Variants in MEX3A observed in about 807,000 individuals in gnomAD.
MEX3A encodes the protein mex-3 RNA binding family member A.
Under a neutral mutation model 30.0 loss-of-function variants are expected in MEX3A, and 4 were observed. The ratio of observed to expected loss-of-function variants is 0.13; its 90% CI spans 0.07 to 0.30. MEX3A has a LOEUF of 0.30. Among genes scored for constraint, MEX3A ranks in the 10% least tolerant of loss-of-function variants. The pLI is 1.00. For synonymous variants in MEX3A, 335 were observed against 327.6 expected, an observed-to-expected ratio of 1.02 and a Z score of -0.24; for missense variants, 555 against 736.7, an observed-to-expected ratio of 0.75 and a Z score of 2.86.
rs1648102887 is a variant in MEX3A at position 156,077,208 on chromosome 1, T to A, written c.929A>T (p.Asp310Val). 4 of 1,613,612 alleles carry A rather than the reference T, an allele frequency of 2.5e-6. No individual in the cohort carries two copies. The highest frequency in any genetic ancestry group is 3.4e-6 in the Non-Finnish European group (4 of 1,179,836). ...NENDFLAGSP[D>V]AAIDSRYSDA... ...GGAGTAGCGGCTATCGATTGCTGCG[T>A]CGGGGCTCCCCGCCAGGAAGTCGTT... is the stretch of plus-strand genomic sequence containing the variant. The change falls in exon 2 of 2, where the codon GAC becomes GTC. Residue 310 changes from aspartate to valine, a missense_variant. Physicochemically the swap from Asp to Val is radical, Grantham distance 152. Around this residue, in one of 6 missense-constraint regions of MEX3A, gnomAD observed 281 missense variants for 265.1 expected, o/e 1.06. Coordinates refer to ENST00000532414, the MANE Select transcript of MEX3A (RefSeq NM_001093725.2). The surrounding 1 kb of genome is among the most constrained non-coding windows in gnomAD (Gnocchi z 8.3).
rs114684670 is a variant in MEX3A, at chr1:156,078,425, T to C, written c.455-743A>G. 3.5e-3 allele frequency among the ~76,000 whole-genome samples: 534 copies of C among 152,236 alleles called. 1 individual carries two copies. Among genetic ancestry groups the C allele is most frequent in the African/African-American group, 0.012 (496 of 41,550 alleles). ...TGTGAGGGAACAGTGCCCAACCCCG[T>C]GTCACTCTTGTCCCCCTGTCCCCTG... On this transcript the variant is annotated intron_variant, in intron 1 of 1. Coordinates refer to ENST00000532414, the MANE Select transcript of MEX3A (RefSeq NM_001093725.2).
In MEX3A at chr1:156,075,011, C is replaced by G. The variant is rs946061631; in HGVS notation, c.*1563G>C. The G allele has an allele frequency of 5.9e-5, 9 of 152,672 alleles. No individual in the cohort carries two copies. Among genetic ancestry groups the G allele is most frequent in the African/African-American group, 2.2e-4 (9 of 41,426 alleles). 9.5% of individuals were successfully genotyped at this position (152,672 alleles called of 1,614,324 possible). A position where few individuals can be genotyped will look rare whatever the true frequency, so the allele number is the denominator to read the frequency against. The stretch of plus-strand genomic sequence containing the variant: ...CCTGGGACTCCCATCCCTCCATCCT[C>G]TCTTGGCCCGGCCAGCGGAACCAGG... On this transcript the variant is annotated 3_prime_UTR_variant, in exon 2 of 2. Transcript: ENST00000532414.
In MEX3A at chr1:156,076,712, GCT is replaced by G; in HGVS notation, c.1423_1424del (p.Ser475ArgfsTer76). On this transcript the variant is annotated frameshift_variant, in exon 2 of 2. Coordinates refer to ENST00000532414, the MANE Select transcript of MEX3A (RefSeq NM_001093725.2). LOFTEE classifies it high-confidence loss of function. The surrounding 1 kb of genome is among the most constrained non-coding windows in gnomAD (Gnocchi z 6.0). ...AGGGCACAAGGGCGGCAGTCACTTC[GCT>G]CTCAAAGCAGACCATGCAATCCCGC... is the stretch of plus-strand genomic sequence containing the variant. ...GGRDCMVCFE[S>X]EVTAALVPCG... The G allele has an allele frequency of 6.2e-7, 1 of 1,613,366 alleles. No individual in the cohort carries two copies. Among genetic ancestry groups the G allele is most frequent in the Non-Finnish European group, 8.5e-7 (1 of 1,179,640 alleles).
At position 156,074,365 on chromosome 1, in the gene MEX3A, C is replaced by T. The variant is rs1490594065; in HGVS notation, c.*2209G>A. On this transcript the variant is annotated 3_prime_UTR_variant, in exon 2 of 2. Coordinates refer to ENST00000532414, the MANE Select transcript of MEX3A (RefSeq NM_001093725.2). ...TTTGCTACATTTATATGGTAATAAA[C>T]GCCTTTATTAAAATAGAATATTAAA... is the stretch of plus-strand genomic sequence containing the variant. The T allele has an allele frequency of 6.7e-5, 10 of 149,852 alleles. No individual in the cohort carries two copies. The highest frequency in any genetic ancestry group is 2.1e-4 in the South Asian group (1 of 4,732). 9.3% of individuals were successfully genotyped at this position (149,852 alleles called of 1,614,324 possible). A position where few individuals can be genotyped will look rare whatever the true frequency, so the allele number is the denominator to read the frequency against.
chr1:156,074,137 A>G lies in MEX3A; in HGVS notation c.*2437T>C, dbSNP rs1289887386. Reference sequence around the variant, plus strand: ...GGGGAAAAAAGCAACGTAAACCCAAACATATATTAAAAACACTTTTTTTTT... The same window carrying G: ...GGGGAAAAAAGCAACGTAAACCCAAGCATATATTAAAAACACTTTTTTTTT... On this transcript the variant is annotated 3_prime_UTR_variant, in exon 2 of 2. Coordinates refer to ENST00000532414, the MANE Select transcript of MEX3A (RefSeq NM_001093725.2). The G allele has an allele frequency of 6.6e-6, 1 of 152,254 alleles. No homozygotes were observed. Among genetic ancestry groups the G allele is most frequent in the Non-Finnish European group, 1.5e-5 (1 of 68,008 alleles). The allele number at this position is 152,254 out of a possible 1,614,324, so 9.4% of individuals were successfully genotyped here. A position where few individuals can be genotyped will look rare whatever the true frequency, so the allele number is the denominator to read the frequency against.
chr1:156,077,130 T>C lies in MEX3A; in HGVS notation c.1007A>G (p.Gln336Arg), dbSNP rs1218554446. 6.2e-7 allele frequency: 1 copy of C among 1,613,794 alleles called. No homozygotes were observed. Among genetic ancestry groups the C allele is most frequent in the Admixed American group, 1.7e-5 (1 of 60,032 alleles). ...PGCKPLSTFR[Q>R]NSLGCIGECG... ...CTCGCCGATGCAGCCCAGGCTGTTC[T>C]GCCGGAAGGTGGAGAGGGGCTTGCA... Residue 336 changes from glutamine to arginine, a missense_variant, in exon 2 of 2, where the codon CAG (glutamine) becomes CGG (arginine). Physicochemically the swap from Gln to Arg is conservative, Grantham distance 43. Around this residue, in one of 6 missense-constraint regions of MEX3A, gnomAD observed 281 missense variants for 265.1 expected, o/e 1.06. Coordinates refer to ENST00000532414, the MANE Select transcript of MEX3A (RefSeq NM_001093725.2). This position sits in a 1 kb window ranked among gnomAD's most constrained non-coding sequence, Gnocchi z 8.3.
rs1180183659 is a variant in MEX3A at position 156,077,039 on chromosome 1, G to A, written c.1098C>T (p.Gly366=). The A allele has an allele frequency of 8.1e-6, 13 of 1,613,710 alleles. No homozygotes were observed. Among genetic ancestry groups the A allele is most frequent in the East Asian group, 6.7e-5 (3 of 44,880 alleles). ...LGEQGGDFGY[G]GYLFPGYGVG... is the part of the protein sequence containing the mutation. ...CGCCATAGCCCGGAAAGAGGTACCC[G>A]CCGTAGCCAAAGTCCCCGCCCTGCT... The change falls in exon 2 of 2, where the codon GGC becomes GGT. Residue 366 remains glycine (G), a synonymous_variant. Transcript: ENST00000532414. The surrounding 1 kb of genome is among the most constrained non-coding windows in gnomAD (Gnocchi z 8.3).
chr1:156,076,746 C>T lies in MEX3A; in HGVS notation c.1391G>A (p.Gly464Asp). The part of the protein sequence containing the change: ...KLGGGGLRSP[G>D]GGRDCMVCFE... ...GCAGACCATGCAATCCCGCCCGCCGCCGGGGCTCCGCAGGCCGCCCCCACC... is the reference window on the plus strand; with the variant it reads ...GCAGACCATGCAATCCCGCCCGCCGTCGGGGCTCCGCAGGCCGCCCCCACC... The change falls in exon 2 of 2, where the codon GGC becomes GAC. Residue 464 changes from glycine (G) to aspartate (D), a missense_variant. Transcript: ENST00000532414. The surrounding 1 kb of genome is among the most constrained non-coding windows in gnomAD (Gnocchi z 6.0). 1 of 1,606,124 alleles carries T rather than the reference C, an allele frequency of 6.2e-7. No homozygotes were observed. The highest frequency in any genetic ancestry group is 1.1e-5 in the South Asian group (1 of 90,216).
chr1:156,081,508 C>A, intron 1 of MEX3A, 37 bp downstream of exon 1: 1 of 1,570,190 alleles, frequency 6.4e-7, no homozygotes, highest in Non-Finnish European at 8.7e-7. Context: ...GGTGCCCCCA[C>A]TACAGTCCCT....
Position 156,073,973 on chromosome 1 carries a change from G to A in MEX3A, c.*2601C>T, listed in dbSNP as rs1647986935. On this transcript the variant is annotated 3_prime_UTR_variant, in exon 2 of 2. Transcript: ENST00000532414. Reference sequence around the variant, plus strand: ...CCTGAGGGGGAGGGGGAGAGGGGAGGAGGAGTCCATGGAGTGAAATCCAAT... The same window carrying A: ...CCTGAGGGGGAGGGGGAGAGGGGAGAAGGAGTCCATGGAGTGAAATCCAAT... 1 of 152,548 alleles carries A rather than the reference G, an allele frequency of 6.6e-6. No homozygotes were observed. The highest frequency in any genetic ancestry group is 2.1e-4 in the South Asian group (1 of 4,816). 9.4% of individuals were successfully genotyped at this position (152,548 alleles called of 1,614,324 possible). A position where few individuals can be genotyped will look rare whatever the true frequency, so the allele number is the denominator to read the frequency against.
chr1:156,081,744 G>GGGC lies in MEX3A; in HGVS notation c.252_254dup (p.Pro85dup), dbSNP rs1435178806. On this transcript the variant is annotated inframe_insertion, in exon 1 of 2. Coordinates refer to ENST00000532414, the MANE Select transcript of MEX3A (RefSeq NM_001093725.2). ...CCGTCGGGGCGGCCGGGGGCGCCGC[G>GGGC]GGCGGCGGCGGCGGGGCCGGCTGCG... The GGGC allele has an allele frequency of 9.3e-6, 8 of 860,458 alleles. No homozygotes were observed. The highest frequency in any genetic ancestry group is 1.2e-4 in the East Asian group (1 of 8,154). The allele number at this position is 860,458 out of a possible 1,614,324, so 53.3% of individuals were successfully genotyped here.
rs2102776091 is a variant in MEX3A, at chr1:156,076,456, C to A, written c.*118G>T. 5 of 1,077,522 alleles carry A rather than the reference C, an allele frequency of 4.6e-6. No homozygotes were observed. In the East Asian group the frequency reaches 8.1e-5, roughly 17 times the overall value. 66.7% of individuals were successfully genotyped at this position (1,077,522 alleles called of 1,614,324 possible). A position where few individuals can be genotyped will look rare whatever the true frequency, so the allele number is the denominator to read the frequency against. On this transcript the variant is annotated 3_prime_UTR_variant, in exon 2 of 2. Coordinates refer to ENST00000532414, the MANE Select transcript of MEX3A (RefSeq NM_001093725.2). This position sits in a 1 kb window ranked among gnomAD's most constrained non-coding sequence, Gnocchi z 6.0. ...ACTGCCTCCCTCCCCCCTTCCCCAGCGAGCGAGTATCTCTAAGCACCTTGC... is the reference window on the plus strand; with the variant it reads ...ACTGCCTCCCTCCCCCCTTCCCCAGAGAGCGAGTATCTCTAAGCACCTTGC...
Position 156,073,912 on chromosome 1 carries a change from T to C in MEX3A, c.*2662A>G, listed in dbSNP as rs1404063931. 2 of 152,694 alleles carry C rather than the reference T, an allele frequency of 1.3e-5. No homozygotes were observed. Among genetic ancestry groups the C allele is most frequent in the African/African-American group, 4.8e-5 (2 of 41,430 alleles). The allele number at this position is 152,694 out of a possible 1,614,324, so 9.5% of individuals were successfully genotyped here. A position where few individuals can be genotyped will look rare whatever the true frequency, so the allele number is the denominator to read the frequency against. On this transcript the variant is annotated 3_prime_UTR_variant, in exon 2 of 2. Transcript: ENST00000532414. ...TTAGTCCTACAGCTTCTTCCTTTCTTGTTAATCCCTTTCTTTGTTTGGCTC... is the reference window on the plus strand; with the variant it reads ...TTAGTCCTACAGCTTCTTCCTTTCTCGTTAATCCCTTTCTTTGTTTGGCTC...
At position 156,074,358 on chromosome 1, in the gene MEX3A, T is replaced by C. The variant is rs1261239500; in HGVS notation, c.*2216A>G. 6.6e-6 allele frequency: 1 copy of C among 152,066 alleles called. No individual in the cohort carries two copies. Among genetic ancestry groups the C allele is most frequent in the African/African-American group, 2.4e-5 (1 of 41,342 alleles). The allele number at this position is 152,066 out of a possible 1,614,324, so 9.4% of individuals were successfully genotyped here. On this transcript the variant is annotated 3_prime_UTR_variant, in exon 2 of 2. Coordinates refer to ENST00000532414, the MANE Select transcript of MEX3A (RefSeq NM_001093725.2). Reference sequence around the variant, plus strand: ...CAGGTTCTTTGCTACATTTATATGGTAATAAACGCCTTTATTAAAATAGAA... The same window carrying C: ...CAGGTTCTTTGCTACATTTATATGGCAATAAACGCCTTTATTAAAATAGAA...
In MEX3A at chr1:156,073,576, A is replaced by C. The variant is rs940891644; in HGVS notation, c.*2998T>G. On this transcript the variant is annotated 3_prime_UTR_variant, in exon 2 of 2. Coordinates refer to ENST00000532414, the MANE Select transcript of MEX3A (RefSeq NM_001093725.2). ...CCTCAATGCTACTAAACTTTAAGCT[A>C]TCTTAATATTGTCTACTAAGTAACT... 6 of 152,664 alleles carry C rather than the reference A, an allele frequency of 3.9e-5. No homozygotes were observed. Among genetic ancestry groups the C allele is most frequent in the Non-Finnish European group, 1.5e-5 (1 of 68,042 alleles). The allele number at this position is 152,664 out of a possible 1,614,324, so 9.5% of individuals were successfully genotyped here.
Position 156,077,171 on chromosome 1 carries a change from C to T in MEX3A, c.966G>A (p.Arg322=), listed in dbSNP as rs1263845190. Residue 322 remains arginine (R), a synonymous_variant, in exon 2 of 2, where the codon CGG becomes CGA. Transcript: ENST00000532414. This position sits in a 1 kb window ranked among gnomAD's most constrained non-coding sequence, Gnocchi z 8.3. ...GGGGCTTGCAGCCGGGCTGGTGCAC[C>T]CGCCAGGCGTCGGAGTAGCGGCTAT... is the stretch of plus-strand genomic sequence containing the variant. ...AIDSRYSDAW[R]VHQPGCKPLS... The T allele has an allele frequency of 7.4e-6, 12 of 1,613,484 alleles. No homozygotes were observed. Among genetic ancestry groups the T allele is most frequent in the Non-Finnish European group, 9.3e-6 (11 of 1,179,834 alleles).
chr1:156,076,393 GAC>G lies in MEX3A; in HGVS notation c.*179_*180del. The G allele has an allele frequency of 1.6e-6, 1 of 610,474 alleles. No homozygotes were observed. Among genetic ancestry groups the G allele is most frequent in the South Asian group, 2.4e-5 (1 of 42,514 alleles). 37.8% of individuals were successfully genotyped at this position (610,474 alleles called of 1,614,324 possible). On this transcript the variant is annotated 3_prime_UTR_variant, in exon 2 of 2. Transcript: ENST00000532414. This position sits in a 1 kb window ranked among gnomAD's most constrained non-coding sequence, Gnocchi z 6.0. ...CCTCCCAATCTTTCCAGGACAGGGT[GAC>G]CAGAGGCTCTGAAAGTGGCGCACCC...
At position 156,076,852 on chromosome 1, in the gene MEX3A, G is replaced by A. The variant is rs765394052; in HGVS notation, c.1285C>T (p.Pro429Ser). 4 of 1,541,490 alleles carry A rather than the reference G, an allele frequency of 2.6e-6. No homozygotes were observed. The highest frequency in any genetic ancestry group is 1.2e-5 in the South Asian group (1 of 82,370). ...RAGPPGAHRS[P>S]ATSAGPELAG... ...AGCTCGGGTCCCGCGGAAGTGGCAG[G>A]GGAGCGGTGTGCGCCCGGGGGCCCA... Residue 429 changes from proline (P) to serine (S), a missense_variant, in exon 2 of 2, where the codon CCT becomes TCT. By Grantham distance (74) the Pro-to-Ser change is moderately conservative. Coordinates refer to ENST00000532414, the MANE Select transcript of MEX3A (RefSeq NM_001093725.2). The surrounding 1 kb of genome is among the most constrained non-coding windows in gnomAD (Gnocchi z 6.0).
intron 1 of MEX3A, among the ~76,000 whole-genome samples, chr1:156,080,808 C>T (rs972630305): frequency 6.6e-6 from 1 of 151,724 alleles, no homozygotes; most frequent in African/African-American, 2.4e-5. Context: ...TACTCTTTCA[C>T]TACCAGAGAC....
Sources: gnomAD v4.1 joint callset for allele counts (sites outside exome capture counted in the v4.1 genomes callset) on GRCh38, gnomAD v4.1.1 for gene constraint, gnomAD v4.1.1 regional missense constraint, Gnocchi (gnomAD v3.1) non-coding constraint, MANE v1.5 for transcripts, NCBI Gene and HGNC (gene_info 2026-07-23, HGNC 2026-07-21) for gene names.